FRMD4A: variants seen among roughly 807,000 people sequenced by gnomAD.
The protein encoded by FRMD4A is FERM domain-containing protein 4A.
In FRMD4A, 29 loss-of-function variants were observed where a neutral mutation model predicts 129.1. That is an observed-to-expected ratio of 0.22 (90% confidence interval 0.17 to 0.31). The LOEUF (loss-of-function observed/expected upper bound fraction) is 0.31. Ranked by LOEUF, FRMD4A falls within the 10% of genes least tolerant of loss-of-function variation. FRMD4A has a pLI of 1.00. For synonymous variants in FRMD4A, 634 were observed against 571.6 expected (o/e 1.11, Z -1.56); for missense variants, 1,272 against 1,375.8 (o/e 0.92, Z 1.19).
chr10:13,901,218 C>T (rs896491723), intron 2 of FRMD4A, among the ~76,000 whole-genome samples: 2 of 152,306 alleles, frequency 1.3e-5, no homozygotes, highest in South Asian at 2.1e-4. Context: ...GGTGGTATTG[C>T]GTCCCTTCTC....
chr10:13,900,987 A>T (rs1389232555), intron 2 of FRMD4A, among the ~76,000 whole-genome samples: 2 of 152,242 alleles, frequency 1.3e-5, no homozygotes, highest in Non-Finnish European at 2.9e-5. Flanking sequence ...TTTACGTATA[A>T]TAACTCAGTC....
intron 2 of FRMD4A, among the ~76,000 whole-genome samples, chr10:13,981,769 G>GAGGCCA (rs1344233163): frequency 6.2e-4 from 93 of 150,080 alleles, no homozygotes; most frequent in African/African-American, 2.2e-3. Context: ...AAAAAAAAGG[G>GAGGCCA]AGGCCAAAGC....
intron 2 of FRMD4A, among the ~76,000 whole-genome samples, chr10:13,960,178 C>T (rs1297136023): frequency 2.0e-5 from 3 of 152,224 alleles, no homozygotes; most frequent in African/African-American, 7.2e-5. Context: ...AATTGCCTGC[C>T]TGGAATCTTT....
chr10:13,745,997 T>C (rs940104193), intron 9 of FRMD4A, among the ~76,000 whole-genome samples: 2 of 152,190 alleles, frequency 1.3e-5, no homozygotes, highest in Non-Finnish European at 2.9e-5. Flanking sequence ...TCCCTGCAAG[T>C]TAACAGATTT....
At chr10:13,817,230 T>C (rs1433767709) in intron 3 of FRMD4A, among the ~76,000 whole-genome samples, 6 of 152,208 alleles carry the variant, frequency 3.9e-5, no homozygotes, top group Non-Finnish European at 1.5e-5. Context: ...TGGTTCTAAA[T>C]ACTTAGGGAA....
intron 2 of FRMD4A, among the ~76,000 whole-genome samples, chr10:14,088,785 CAAA>C (rs58056105): frequency 4.1e-5 from 3 of 73,842 alleles, no homozygotes; most frequent in African/African-American, 5.7e-5. Flanking sequence ...GACTCTGTCT[CAAA>C]AAAAAAAAAA....
At chr10:13,831,574 C>T (rs2093791040) in intron 3 of FRMD4A, among the ~76,000 whole-genome samples, 1 of 152,178 alleles carries the variant, frequency 6.6e-6, no homozygotes, top group Non-Finnish European at 1.5e-5. Context: ...GCTTCACTTC[C>T]CAGAGTTTCA....
intron 2 of FRMD4A, chr10:13,972,370 T>C (rs1023970129): frequency 1.1e-4 from 105 of 963,810 alleles, no homozygotes; most frequent in Admixed American, 1.8e-4. Context: ...CTGGAGAAAT[T>C]GCTATTTCTG....
intron 2 of FRMD4A, among the ~76,000 whole-genome samples, chr10:13,878,822 G>GGAA (rs1554953628): frequency 7.1e-6 from 1 of 140,774 alleles, no homozygotes; most frequent in Non-Finnish European, 1.5e-5. Context: ...GAGGGAGGGA[G>GGAA]GGAAGGAAGG....
intron 15 of FRMD4A, among the ~76,000 whole-genome samples, chr10:13,689,265 T>C (rs2085437840): frequency 7.4e-6 from 1 of 134,958 alleles, no homozygotes. Context: ...CCTGGCAGAG[T>C]TGGGAGCTAG....
At chr10:14,216,311 T>C (rs1432451288) in intron 2 of FRMD4A, among the ~76,000 whole-genome samples, 1 of 152,164 alleles carries the variant, frequency 6.6e-6, no homozygotes, top group Admixed American at 6.5e-5. Context: ...TCTTTGCATC[T>C]TCAAGGTAAA....
At chr10:14,251,532 C>G (rs1844440689) in intron 2 of FRMD4A, among the ~76,000 whole-genome samples, 1 of 152,200 alleles carries the variant, frequency 6.6e-6, no homozygotes, top group South Asian at 2.1e-4. Context: ...CACCCAATTT[C>G]CCATCCACAG....
chr10:14,068,185 TTCCAGGCTCAGA>T (rs1375161674), intron 2 of FRMD4A, among the ~76,000 whole-genome samples: 1 of 152,170 alleles, frequency 6.6e-6, no homozygotes, highest in African/African-American at 2.4e-5. Context: ...AGTCAATCTT[TTCCAGGCTCAGA>T]GCCAGGCTGG....
intron 2 of FRMD4A, among the ~76,000 whole-genome samples, chr10:14,100,176 C>T (rs916945993): frequency 6.6e-6 from 1 of 152,168 alleles, no homozygotes; most frequent in South Asian, 2.1e-4. Context: ...TCCAGTGTCT[C>T]GATTCACCTG....
chr10:14,195,533 A>G (rs1842448067), intron 2 of FRMD4A, among the ~76,000 whole-genome samples: 1 of 152,152 alleles, frequency 6.6e-6, no homozygotes. Context: ...TAAGGTTCCC[A>G]TACTTATTCC....
chr10:13,696,752 A>G (rs796137949), intron 14 of FRMD4A, among the ~76,000 whole-genome samples: 4 of 152,282 alleles, frequency 2.6e-5, no homozygotes, highest in African/African-American at 9.6e-5. Context: ...ACTGTCTAAA[A>G]AAAAAGACCT....
rs11258646 is a variant in FRMD4A at position 13,820,384 on chromosome 10, A to G, written c.112-9476T>C. Among the ~76,000 whole-genome samples the G allele has an allele frequency of 1.2e-4, 19 of 152,032 alleles. No homozygotes were observed. In the East Asian group the frequency reaches 3.7e-3, roughly 29 times the overall value. On this transcript the variant is annotated intron_variant, in intron 3 of 24. Coordinates refer to ENST00000357447, the MANE Select transcript of FRMD4A (RefSeq NM_018027.5). Reference sequence around the variant, plus strand: ...GTTCTCTCTCCACTGTCCCTGTGGCACTCTGGGCTGGGAAGGCAGGCGGGC... The same window carrying G: ...GTTCTCTCTCCACTGTCCCTGTGGCGCTCTGGGCTGGGAAGGCAGGCGGGC...
chr10:13,685,918 G>A (rs943098), intron 15 of FRMD4A, among the ~76,000 whole-genome samples: 68,216 of 152,002 alleles, frequency 0.45, 17,614 homozygotes, highest in Non-Finnish European at 0.6. Flanking sequence ...GATAAATATA[G>A]CTGTGTAAAT....
At chr10:13,997,624 C>T (rs28450058) in intron 2 of FRMD4A, among the ~76,000 whole-genome samples, 2,660 of 86,016 alleles carry the variant, frequency 0.031, 114 homozygotes, top group African/African-American at 0.085. Flanking sequence ...CTTTTCTTTT[C>T]TTTTTTTTTT....
Sources: gnomAD v4.1 joint callset for allele counts (sites outside exome capture counted in the v4.1 genomes callset) on GRCh38, gnomAD v4.1.1 for gene constraint, MANE v1.5 for transcripts, NCBI Gene and HGNC (gene_info 2026-07-23, HGNC 2026-07-21) for gene names.